Variants in KCNH7 observed in about 807,000 individuals in gnomAD.
KCNH7 encodes the protein potassium voltage-gated channel subfamily H member 7.
In KCNH7, 49 loss-of-function variants were observed where a neutral mutation model predicts 120.8. That is an observed-to-expected ratio of 0.41 (90% CI 0.32 to 0.51). The LOEUF (loss-of-function observed/expected upper bound fraction) is 0.51. Among genes scored for constraint, KCNH7 ranks in the 20% least tolerant of loss-of-function variants. KCNH7 has a pLI of 0.38. For synonymous variants in KCNH7, 547 were observed against 516.1 expected (o/e 1.06, Z -0.81); for missense variants, 1,097 against 1,446.6 (o/e 0.76, Z 3.92).
At chr2:162,556,453 A>T (rs1358519974) in intron 2 of KCNH7, among the ~76,000 whole-genome samples, 2 of 152,166 alleles carry the variant, frequency 1.3e-5, no homozygotes, top group Non-Finnish European at 2.9e-5. Context: ...CTTTGATCAT[A>T]GTTTATGCTA....
intron 6 of KCNH7, among the ~76,000 whole-genome samples, chr2:162,469,402 T>C (rs1442078896): frequency 1.3e-5 from 2 of 152,102 alleles, no homozygotes; most frequent in African/African-American, 2.4e-5. Flanking sequence ...CCTGAGTAGT[T>C]TGTATGCAAA....
intron 3 of KCNH7, among the ~76,000 whole-genome samples, chr2:162,519,545 C>G (rs1242483674): frequency 6.6e-6 from 1 of 151,562 alleles, no homozygotes; most frequent in African/African-American, 2.4e-5. Context: ...TTTTTTATGT[C>G]AAGCATGAAT....
At chr2:162,406,171 G>T (rs960352663) in intron 9 of KCNH7, among the ~76,000 whole-genome samples, 1 of 151,850 alleles carries the variant, frequency 6.6e-6, no homozygotes, top group Admixed American at 6.6e-5. Flanking sequence ...TCTCGATTCT[G>T]TTTGGATAAG....
intron 2 of KCNH7, among the ~76,000 whole-genome samples, chr2:162,734,430 A>G (rs1202885198): frequency 6.6e-6 from 1 of 152,054 alleles, no homozygotes; most frequent in Non-Finnish European, 1.5e-5. Context: ...ATTTTATGTA[A>G]TGTCTTCATC....
At chr2:162,679,701 A>G (rs961826727) in intron 2 of KCNH7, among the ~76,000 whole-genome samples, 1 of 151,646 alleles carries the variant, frequency 6.6e-6, no homozygotes, top group African/African-American at 2.4e-5. Flanking sequence ...AAAATGCTTT[A>G]CAGTGTTGTT....
intron 5 of KCNH7, among the ~76,000 whole-genome samples, chr2:162,510,586 G>A (rs989848158): frequency 1.3e-5 from 2 of 151,466 alleles, no homozygotes; most frequent in Admixed American, 6.6e-5. Context: ...ACATTCCTAC[G>A]TTATTTATTT....
At chr2:162,663,868 TATA>T (rs1402654547) in intron 2 of KCNH7, among the ~76,000 whole-genome samples, 3 of 152,152 alleles carry the variant, frequency 2.0e-5, no homozygotes, top group Non-Finnish European at 4.4e-5. Flanking sequence ...CGATTTAAAA[TATA>T]ATAGCTTCCC....
In KCNH7 at chr2:162,551,829, T is replaced by C. The variant is rs535901376; in HGVS notation, c.308-14749A>G. On this transcript the variant is annotated intron_variant, in intron 2 of 15. Transcript: ENST00000332142. ...GTCCATTTGATTCCCATAATAAGCA[T>C]TTAAGAGAGAAAAGATTATAATAGC... is the stretch of plus-strand genomic sequence containing the variant. 5.9e-5 allele frequency among the ~76,000 whole-genome samples: 9 copies of C among 152,084 alleles called. No individual in the cohort carries two copies. In the East Asian group the frequency reaches 1.7e-3, roughly 29 times the overall value.
At chr2:162,672,227 G>A (rs891789984) in intron 2 of KCNH7, among the ~76,000 whole-genome samples, 1 of 151,974 alleles carries the variant, frequency 6.6e-6, no homozygotes, top group Non-Finnish European at 1.5e-5. Context: ...ATATCTACAT[G>A]GAATATTTAC....
At chr2:162,763,868 A>C (rs1689053392) in intron 2 of KCNH7, among the ~76,000 whole-genome samples, 1 of 151,886 alleles carries the variant, frequency 6.6e-6, no homozygotes, top group South Asian at 2.1e-4. Flanking sequence ...GAGATTAAAA[A>C]ATTTAGCTAT....
intron 2 of KCNH7, among the ~76,000 whole-genome samples, chr2:162,720,342 G>T (rs1687285885): frequency 6.8e-6 from 1 of 147,252 alleles, no homozygotes. Context: ...GAGGGAGAGA[G>T]AGAAAAAGGG....
chr2:162,528,518 A>C (rs1406288423), intron 3 of KCNH7, among the ~76,000 whole-genome samples: 1 of 151,978 alleles, frequency 6.6e-6, no homozygotes, highest in Non-Finnish European at 1.5e-5. Context: ...ACACCACATG[A>C]TACAAATTAG....
chr2:162,766,540 C>CA (rs1559123282), intron 2 of KCNH7, among the ~76,000 whole-genome samples: 1 of 151,780 alleles, frequency 6.6e-6, no homozygotes, highest in Non-Finnish European at 1.5e-5. Flanking sequence ...CAAAACAAAA[C>CA]AAAAAAAGCT....
chr2:162,458,315 T>C (rs1233446884), intron 6 of KCNH7, among the ~76,000 whole-genome samples: 1 of 152,168 alleles, frequency 6.6e-6, no homozygotes, highest in African/African-American at 2.4e-5. Context: ...AATTATAATA[T>C]TTACAAATTA....
intron 2 of KCNH7, among the ~76,000 whole-genome samples, chr2:162,626,376 A>G (rs1401872060): frequency 6.6e-6 from 1 of 152,164 alleles, no homozygotes; most frequent in Non-Finnish European, 1.5e-5. Context: ...ACTAGAAATA[A>G]TCATAAAACA....
intron 2 of KCNH7, among the ~76,000 whole-genome samples, chr2:162,698,367 T>G (rs1473847426): frequency 6.6e-6 from 1 of 152,080 alleles, no homozygotes; most frequent in African/African-American, 2.4e-5. Flanking sequence ...TGCCTGTGAC[T>G]CTTTTCTCTG....
intron 6 of KCNH7, among the ~76,000 whole-genome samples, chr2:162,501,148 G>C (rs966735651): frequency 6.6e-6 from 1 of 152,012 alleles, no homozygotes; most frequent in Non-Finnish European, 1.5e-5. Flanking sequence ...CTACAAAGAA[G>C]ATAAAGCATT....
At chr2:162,766,261 C>A (rs1025765131) in intron 2 of KCNH7, among the ~76,000 whole-genome samples, 4 of 152,086 alleles carry the variant, frequency 2.6e-5, no homozygotes, top group Non-Finnish European at 5.9e-5. Context: ...TCAATTTCAG[C>A]ACTAGTCAGC....
At chr2:162,807,722 G>T (rs192880226) in intron 2 of KCNH7, among the ~76,000 whole-genome samples, 23 of 151,648 alleles carry the variant, frequency 1.5e-4, no homozygotes, top group Middle Eastern at 3.4e-3. Context: ...TTGCTCTGTC[G>T]CCCAGACTGG....
Sources: gnomAD v4.1 joint callset for allele counts (sites outside exome capture counted in the v4.1 genomes callset) on GRCh38, gnomAD v4.1.1 for gene constraint, MANE v1.5 for transcripts, NCBI Gene and HGNC (gene_info 2026-07-23, HGNC 2026-07-21) for gene names.